ANO1: variants seen among roughly 807,000 people sequenced by gnomAD.
The protein encoded by ANO1 is anoctamin-1.
Under a neutral mutation model 124.0 loss-of-function variants are expected in ANO1, and 59 were observed. The observed-to-expected ratio is 0.48, with a 90% CI of 0.39 to 0.59. The LOEUF (loss-of-function observed/expected upper bound fraction) is 0.59. Among genes scored for constraint, ANO1 ranks in the 20% least tolerant of loss-of-function variants. The pLI, the probability that ANO1 is intolerant of heterozygous loss-of-function variation, is 0.00. For synonymous variants in ANO1, 529 were observed against 532.0 expected, an observed-to-expected ratio of 0.99 and a Z score of 0.08; for missense variants, 1,059 against 1,328.0, an observed-to-expected ratio of 0.80 and a Z score of 3.15.
At chr11:70,125,168 C>A (rs952664924) in intron 9 of ANO1, among the ~76,000 whole-genome samples, 2 of 152,070 alleles carry the variant, frequency 1.3e-5, no homozygotes, top group African/African-American at 4.8e-5. Context: ...CATGGTGAAA[C>A]CCCGTCTCTA....
chr11:70,087,564 C>T (rs2044431477), intron 1 of ANO1, among the ~76,000 whole-genome samples, 188 bp from the exon 2 acceptor site: 1 of 152,170 alleles, frequency 6.6e-6, no homozygotes, highest in South Asian at 2.1e-4. Flanking sequence ...TCCCTGAAGG[C>T]AGGGTCTTCT....
At chr11:70,058,287 G>T (rs1035546582) in intron 1 of ANO1, among the ~76,000 whole-genome samples, 1 of 152,112 alleles carries the variant, frequency 6.6e-6, no homozygotes, top group South Asian at 2.1e-4. Context: ...CAAGTTTTTG[G>T]GCTCTATCCT....
intron 21 of ANO1, among the ~76,000 whole-genome samples, chr11:70,168,507 C>A (rs1164562102): frequency 6.6e-6 from 1 of 152,056 alleles, no homozygotes; most frequent in Non-Finnish European, 1.5e-5. Flanking sequence ...AGGACGGCAG[C>A]CTCACCCTCT....
intron 1 of ANO1, chr11:70,085,366 C>T: frequency 6.9e-7 from 1 of 1,459,124 alleles, no homozygotes; most frequent in Non-Finnish European, 9.1e-7. Flanking sequence ...GTGGTCGTGG[C>T]CCCTAAGCAC....
the ANO1 span, among the ~76,000 whole-genome samples, chr11:69,980,878 C>A: frequency 5.3e-5 from 8 of 151,966 alleles, no homozygotes; most frequent in African/African-American, 9.7e-5. Flanking sequence ...ATGGTGAAAC[C>A]CCGTCTCTAC....
At chr11:70,111,390 G>A (rs2135406319) in intron 6 of ANO1, among the ~76,000 whole-genome samples, 1 of 152,316 alleles carries the variant, frequency 6.6e-6, no homozygotes, top group South Asian at 2.1e-4. Flanking sequence ...GGAGGCTTGG[G>A]GTGACAGTGA....
intron 8 of ANO1, among the ~76,000 whole-genome samples, chr11:70,119,375 G>C (rs1020002938): frequency 7.4e-5 from 11 of 148,232 alleles, no homozygotes; most frequent in Non-Finnish European, 1.2e-4. Context: ...AATGATGGAT[G>C]GATGGGTTGA....
At chr11:70,048,177 T>TA in intron 1 of ANO1, among the ~76,000 whole-genome samples, 1 of 152,244 alleles carries the variant, frequency 6.6e-6, no homozygotes, top group African/African-American at 2.4e-5. Flanking sequence ...TTCAACTGTT[T>TA]AACTTTGCCC....
intron 1 of ANO1, among the ~76,000 whole-genome samples, chr11:70,037,545 G>T (rs1309903987): frequency 2.0e-5 from 3 of 152,026 alleles, no homozygotes; most frequent in Non-Finnish European, 2.9e-5. Flanking sequence ...GACCCAGGTG[G>T]CCTAGTGGGA....
At chr11:70,038,399 T>A (rs906638432) in intron 1 of ANO1, among the ~76,000 whole-genome samples, 1 of 152,196 alleles carries the variant, frequency 6.6e-6, no homozygotes, top group Non-Finnish European at 1.5e-5. Context: ...CATAGGACAA[T>A]TGCATCAGGT....
At chr11:70,010,840 C>A (rs1856588190) in intron 1 of ANO1, among the ~76,000 whole-genome samples, 1 of 152,240 alleles carries the variant, frequency 6.6e-6, no homozygotes, top group Non-Finnish European at 1.5e-5. Context: ...CAACCTCCCA[C>A]ATCTTCTGAG....
the ANO1 span, among the ~76,000 whole-genome samples, chr11:69,972,992 C>A: frequency 2.0e-5 from 3 of 151,140 alleles, no homozygotes; most frequent in Non-Finnish European, 4.4e-5. Flanking sequence ...CCACTGCAAC[C>A]TCCACCTCCC....
intron 22 of ANO1, among the ~76,000 whole-genome samples, chr11:70,175,754 A>C (rs1243632919): frequency 2.0e-5 from 3 of 152,204 alleles, no homozygotes; most frequent in Non-Finnish European, 2.9e-5. Context: ...GGCGCTTAGC[A>C]TCCCCTAGAG....
Position 70,165,505 on chromosome 11 carries a change from C to A in ANO1, c.1986C>A (p.Ile662=), listed in dbSNP as rs566392707. ...GGGGCTGCCTGATGGAGCTATGCAT[C>A]CAGCTCAGCATCATCATGCTGGGGA... The part of the protein sequence containing the change: ...APGGCLMELC[I]QLSIIMLGKQ... Residue 662 remains isoleucine (I), a synonymous_variant, in exon 20 of 26, where the codon ATC becomes ATA. Transcript: ENST00000355303. 1.9e-6 allele frequency: 3 copies of A among 1,612,054 alleles called. No individual in the cohort carries two copies. Among genetic ancestry groups the A allele is most frequent in the Admixed American group, 3.3e-5 (2 of 59,848 alleles).
chr11:70,188,105 CT>C lies in ANO1; in HGVS notation c.*102del. The C allele has an allele frequency of 7.4e-7, 1 of 1,351,888 alleles. No homozygotes were observed. Among genetic ancestry groups the C allele is most frequent in the Non-Finnish European group, 9.8e-7 (1 of 1,019,846 alleles). 83.7% of individuals were successfully genotyped at this position (1,351,888 alleles called of 1,614,324 possible). A position where few individuals can be genotyped will look rare whatever the true frequency, so the allele number is the denominator to read the frequency against. On this transcript the variant is annotated 3_prime_UTR_variant, in exon 26 of 26. Coordinates refer to ENST00000355303, the MANE Select transcript of ANO1 (RefSeq NM_018043.7). ...CGCTCCCACCAGGGCCCGGTGGGTC[CT>C]GGGTTTTCTGCAAACATGGAGGACC...
chr11:70,165,355 GTCTTTTTT>G, intron 19 of ANO1, 107 bp from the exon 20 acceptor site: 11 of 825,226 alleles, frequency 1.3e-5, no homozygotes, highest in South Asian at 1.0e-4. Flanking sequence ...GAACCTGAGC[GTCTTTTTT>G]TGGAGGACGC....
At chr11:70,097,817 C>T (rs78513524) in intron 2 of ANO1, among the ~76,000 whole-genome samples, 15,396 of 152,236 alleles carry the variant, frequency 0.1, 975 homozygotes, top group Middle Eastern at 0.18. Context: ...CATCACTGAG[C>T]CTCTGCTCTG....
intron 7 of ANO1, among the ~76,000 whole-genome samples, chr11:70,116,134 G>T (rs2045965969): frequency 1.3e-5 from 2 of 152,152 alleles, no homozygotes; most frequent in Admixed American, 6.5e-5. Flanking sequence ...GCCTCCAAAA[G>T]CCCCCTTTCA....
intron 25 of ANO1, among the ~76,000 whole-genome samples, chr11:70,187,318 T>G (rs1055274116): frequency 2.0e-5 from 3 of 152,164 alleles, no homozygotes; most frequent in Non-Finnish European, 4.4e-5. Context: ...AATGTCTCCG[T>G]GGAGGTGGTA....
Sources: gnomAD v4.1 joint callset for allele counts (sites outside exome capture counted in the v4.1 genomes callset) on GRCh38, gnomAD v4.1.1 for gene constraint, MANE v1.5 for transcripts, NCBI Gene and HGNC (gene_info 2026-07-23, HGNC 2026-07-21) for gene names.